The following FRAS1 variants were observed in gnomAD, a reference collection of about 807,000 sequenced individuals.
The protein encoded by FRAS1 is extracellular matrix organizing protein FRAS1.
Under a neutral mutation model 435.2 loss-of-function variants are expected in FRAS1, and 290 were observed. The ratio of observed to expected loss-of-function variants is 0.67; its 90% confidence interval spans 0.61 to 0.73. The LOEUF is 0.73. Ranked by LOEUF, FRAS1 falls within the 30% of genes least tolerant of loss-of-function variation. The probability of loss-of-function intolerance (pLI) is 0.00; values close to 1 mark genes in which losing one functional copy is unlikely to be tolerated. For synonymous variants in FRAS1, 1,800 were observed against 1,851.0 expected (o/e 0.97, Z 0.71); for missense variants, 4,860 against 5,001.5 (o/e 0.97, Z 0.85).
chr4:78,440,420 A>G (rs1184678586), intron 40 of FRAS1, among the ~76,000 whole-genome samples: 1 of 152,142 alleles, frequency 6.6e-6, no homozygotes, highest in Non-Finnish European at 1.5e-5. Context: ...GACTGTCCCC[A>G]TTCCCAGAGT....
At chr4:78,535,565 C>T (rs1721856058) in intron 71 of FRAS1, among the ~76,000 whole-genome samples, 1 of 152,228 alleles carries the variant, frequency 6.6e-6, no homozygotes. Context: ...CAGGGTTATC[C>T]TCAACTTCCC....
chr4:78,274,386 AGTT>A (rs1726885830), intron 9 of FRAS1, among the ~76,000 whole-genome samples: 1 of 152,020 alleles, frequency 6.6e-6, no homozygotes, highest in Admixed American at 6.6e-5. Context: ...TTGCTTCTCT[AGTT>A]CCTTTCATTG....
chr4:78,344,347 G>C (rs1730516030), intron 20 of FRAS1, among the ~76,000 whole-genome samples: 1 of 151,984 alleles, frequency 6.6e-6, no homozygotes, highest in Non-Finnish European at 1.5e-5. Flanking sequence ...CTCGAAGGTA[G>C]GTACTAATTT....
chr4:78,298,310 TGCAC>T (rs1414348150), intron 14 of FRAS1, among the ~76,000 whole-genome samples: 27 of 150,476 alleles, frequency 1.8e-4, no homozygotes, highest in African/African-American at 2.7e-4. Flanking sequence ...TATATATATA[TGCAC>T]ACACACCTTT....
chr4:78,441,399 A>C (rs1445105506), intron 41 of FRAS1, 102 bp downstream of exon 41: 9 of 1,095,412 alleles, frequency 8.2e-6, no homozygotes, highest in Non-Finnish European at 1.2e-5. Flanking sequence ...ACTACAGAGG[A>C]GGGGAACCAT....
rs531838163 is a variant in FRAS1, at chr4:78,451,679, TG to T, written c.6464-91del. On this transcript the variant is annotated intron_variant, in intron 45 of 73. Transcript: ENST00000512123. ...GCGAGGAAGGTGTGAACTGATTCAT[TG>T]GTGTGAACACCAATTGAATTCACAC... The T allele has an allele frequency of 4.2e-3, 4,150 of 998,364 alleles. 14 individuals carry two copies. Among genetic ancestry groups the T allele is most frequent in the Non-Finnish European group, 5.2e-3 (3,667 of 700,370 alleles). 61.8% of individuals were successfully genotyped at this position (998,364 alleles called of 1,614,324 possible).
chr4:78,517,466 T>C (rs1341572802), intron 66 of FRAS1, among the ~76,000 whole-genome samples: 1 of 152,264 alleles, frequency 6.6e-6, no homozygotes, highest in Non-Finnish European at 1.5e-5. Flanking sequence ...TTGTTATATA[T>C]AATCCCACTT....
chr4:78,161,442 T>C (rs982159959), intron 2 of FRAS1, among the ~76,000 whole-genome samples: 5 of 152,092 alleles, frequency 3.3e-5, no homozygotes, highest in Admixed American at 2.0e-4. Flanking sequence ...TTCTCACTCG[T>C]GATGTGGGAA....
At chr4:78,120,708 A>C (rs868172353) in intron 2 of FRAS1, among the ~76,000 whole-genome samples, 4 of 152,228 alleles carry the variant, frequency 2.6e-5, no homozygotes, top group Admixed American at 1.3e-4. Context: ...TGTGGGTAGC[A>C]GACTTTAGGG....
chr4:78,446,501 A>G (rs1246942416), intron 42 of FRAS1: 3 of 1,330,906 alleles, frequency 2.3e-6, no homozygotes, highest in African/African-American at 3.0e-5. Flanking sequence ...GATATCTGAG[A>G]AAACTTTTAT....
At chr4:78,281,507 T>C (rs556129660) in intron 11 of FRAS1, 74 bp downstream of exon 11, 256 of 942,372 alleles carry the variant, frequency 2.7e-4, no homozygotes, top group Non-Finnish European at 3.7e-4. Context: ...TGAAATATCA[T>C]GGGGAAACTT....
chr4:78,249,064 C>CATATATATATATAT lies in FRAS1; in HGVS notation c.310-3319_310-3306dup, dbSNP rs200267733. ...AGAACTACTGATATATATATATATG[C>CATATATATATATAT]ATATATATATATATATATATATGCA... On this transcript the variant is annotated intron_variant, in intron 4 of 73. Coordinates refer to ENST00000512123, the MANE Select transcript of FRAS1 (RefSeq NM_025074.7). Among the ~76,000 whole-genome samples the CATATATATATATAT allele has an allele frequency of 1.8e-3, 30 of 16,602 alleles. 2 individuals are homozygous for CATATATATATATAT. Among genetic ancestry groups the CATATATATATATAT allele is most frequent in the South Asian group, 0.016 (2 of 128 alleles). 10.9% of individuals were successfully genotyped at this position (16,602 alleles called of 152,430 possible). A position where few individuals can be genotyped will look rare whatever the true frequency, so the allele number is the denominator to read the frequency against.
chr4:78,540,512 T>C lies in FRAS1; in HGVS notation c.11446-19T>C, dbSNP rs1233547801. 1 of 1,468,460 alleles carries C rather than the reference T, an allele frequency of 6.8e-7. No individual in the cohort carries two copies. 91.0% of individuals were successfully genotyped at this position (1,468,460 alleles called of 1,614,324 possible). On this transcript the variant is annotated intron_variant, in intron 73 of 73. Coordinates refer to ENST00000512123, the MANE Select transcript of FRAS1 (RefSeq NM_025074.7). ...TGGTCTGTGGGCAACAACAACATGT[T>C]CGGTTTGTCCCCCTGCAGGTGGAAG...
At chr4:78,345,730 A>G (rs1462072560) in intron 20 of FRAS1, among the ~76,000 whole-genome samples, 1 of 151,802 alleles carries the variant, frequency 6.6e-6, no homozygotes, top group African/African-American at 2.4e-5. Flanking sequence ...GCTCTCTCAA[A>G]TTTTGTTTTA....
chr4:78,501,435 A>G (rs974058451), intron 61 of FRAS1, among the ~76,000 whole-genome samples: 1 of 152,132 alleles, frequency 6.6e-6, no homozygotes, highest in Non-Finnish European at 1.5e-5. Flanking sequence ...ATATGTGTGC[A>G]TGTGTCTTTA....
At chr4:78,282,531 A>T (rs1252178619) in intron 11 of FRAS1, among the ~76,000 whole-genome samples, 1 of 152,222 alleles carries the variant, frequency 6.6e-6, no homozygotes, top group Admixed American at 6.5e-5. Context: ...TGCCTTTTAC[A>T]TATTCTGTTA....
At chr4:78,064,955 C>T (rs1739932066) in intron 1 of FRAS1, among the ~76,000 whole-genome samples, 1 of 151,286 alleles carries the variant, frequency 6.6e-6, no homozygotes, top group Non-Finnish European at 1.5e-5. Flanking sequence ...TGACAGCACA[C>T]TGCCCATCTC....
chr4:78,494,144 G>A (rs1720445044), intron 59 of FRAS1, among the ~76,000 whole-genome samples: 2 of 152,050 alleles, frequency 1.3e-5, no homozygotes, highest in Non-Finnish European at 1.5e-5. Flanking sequence ...TATGTATACA[G>A]TTTTAATTTC....
chr4:78,511,357 C>T lies in FRAS1; in HGVS notation c.9864C>T (p.Thr3288=), dbSNP rs1354851914. 6.2e-7 allele frequency: 1 copy of T among 1,613,808 alleles called. No homozygotes were observed. The change falls in exon 64 of 74, where the codon ACC becomes ACT. Residue 3288 remains threonine (T), a synonymous_variant. Transcript: ENST00000512123. ...TGGACAAGGTGGGCCATGTGGGGAC[C>T]CCCTTAAGGAGCAACATTGTTACCA... The part of the protein sequence containing the change: ...KAVDKVGHVG[T]PLRSNIVTIG...
Sources: gnomAD v4.1 joint callset for allele counts (sites outside exome capture counted in the v4.1 genomes callset) on GRCh38, gnomAD v4.1.1 for gene constraint, MANE v1.5 for transcripts, NCBI Gene and HGNC (gene_info 2026-07-23, HGNC 2026-07-21) for gene names.